Variants in APLP1 observed in about 807,000 individuals in gnomAD.
The protein encoded by APLP1 is amyloid beta (A4) precursor-like protein 1.
APLP1 carries 46 observed loss-of-function variants against 84.5 expected under a neutral mutation model. The observed-to-expected ratio is 0.54, with a 90% CI of 0.43 to 0.70. APLP1 has a LOEUF of 0.70. Among genes scored for constraint, APLP1 ranks in the 30% least tolerant of loss-of-function variants. The probability of loss-of-function intolerance (pLI) is 0.00; values close to 1 mark genes in which losing one functional copy is unlikely to be tolerated. For synonymous variants in APLP1, 376 were observed against 364.0 expected (o/e 1.03, Z -0.38); for missense variants, 826 against 900.2 (o/e 0.92, Z 1.05).
At position 35,873,593 on chromosome 19, in the gene APLP1, G is replaced by T. The variant is rs140731583; in HGVS notation, c.982-46G>T. ...AGAGGGGTTGGGGGACTTGCCAGGT[G>T]GATCAGGGTGGATTCTGGGATCCTG... is the stretch of plus-strand genomic sequence containing the variant. On this transcript the variant is annotated intron_variant, in intron 7 of 16. Coordinates refer to ENST00000221891, the MANE Select transcript of APLP1 (RefSeq NM_001024807.3). The T allele has an allele frequency of 4.4e-6, 7 of 1,596,900 alleles. No homozygotes were observed. In the Admixed American group the frequency reaches 6.7e-5, roughly 15 times the overall value.
At chr19:35,869,882 T>C in intron 2 of APLP1, 72 bp downstream of exon 2, 1 of 1,523,432 alleles carries the variant, frequency 6.6e-7, no homozygotes, top group Middle Eastern at 2.3e-4. Flanking sequence ...TGGTCCAGGG[T>C]GCTGCGCGAT....
intron 13 of APLP1, 78 bp downstream of exon 13, chr19:35,878,186 T>C: frequency 6.7e-7 from 1 of 1,481,884 alleles, no homozygotes; most frequent in Non-Finnish European, 9.2e-7. Flanking sequence ...GTCCATCCAT[T>C]GGGAACCTCA....
chr19:35,877,779 C>T lies in APLP1; in HGVS notation c.1506C>T (p.Gly502=). 6.2e-7 allele frequency: 1 copy of T among 1,609,176 alleles called. No individual in the cohort carries two copies. Among genetic ancestry groups the T allele is most frequent in the Non-Finnish European group, 8.5e-7 (1 of 1,178,722 alleles). ...AATTGGAAGCCCCTGCCCCTGGGGG[C>T]AGCAGCGAGGACAAGGGTGGGCTGC... ...PSELEAPAPG[G]SSEDKGGLQP... Residue 502 remains glycine, a synonymous_variant, in exon 12 of 17, where the codon GGC becomes GGT. Transcript: ENST00000221891.
In APLP1 at chr19:35,871,945, A is replaced by G. The variant is rs1555770966; in HGVS notation, c.759A>G (p.Val253=). ...AGGAGGAATCCTTCCCACAGCCAGT[A>G]GATGATTACTTCGTGGAGCCTCCGC... ...EEEEESFPQP[V]DDYFVEPPQA... The change falls in exon 6 of 17, where the codon GTA becomes GTG. Residue 253 remains valine (V), a synonymous_variant. Coordinates refer to ENST00000221891, the MANE Select transcript of APLP1 (RefSeq NM_001024807.3). 2 of 1,614,190 alleles carry G rather than the reference A, an allele frequency of 1.2e-6. No homozygotes were observed. Among genetic ancestry groups the G allele is most frequent in the Admixed American group, 3.3e-5 (2 of 60,018 alleles).
At chr19:35,878,456 G>A (rs1974331438) in intron 13 of APLP1, 128 bp from the exon 14 acceptor site, 2 of 908,394 alleles carry the variant, frequency 2.2e-6, no homozygotes, top group Admixed American at 4.3e-5. Flanking sequence ...TGACGTAGAA[G>A]GATCACTGGA....
chr19:35,870,116 C>A (rs1455152191), intron 2 of APLP1: 6 of 360,546 alleles, frequency 1.7e-5, no homozygotes, highest in South Asian at 1.5e-4. Flanking sequence ...TAAGGACCAG[C>A]AAGATGGGGA....
rs755568164 is a variant in APLP1 at position 35,870,946 on chromosome 19, C to T, written c.342C>T (p.Ile114=). ...GTGTGGAGCAGGCTACGCAGGCCAT[C>T]CCCATGGAGCGCTGGTGCGGGGGTT... ...IARVEQATQA[I]PMERWCGGSR... The change falls in exon 3 of 17, where the codon ATC becomes ATT. Residue 114 remains isoleucine, a synonymous_variant. Transcript: ENST00000221891. The T allele has an allele frequency of 6.3e-7, 1 of 1,596,618 alleles. No individual in the cohort carries two copies. Among genetic ancestry groups the T allele is most frequent in the South Asian group, 1.1e-5 (1 of 87,582 alleles).
In APLP1 at chr19:35,870,347, A is replaced by T. The variant is rs909165405; in HGVS notation, c.291+537A>T. 5 of 172,338 alleles carry T rather than the reference A, an allele frequency of 2.9e-5. No individual in the cohort carries two copies. The East Asian group carries it at 7.5e-4, about 26-fold the overall frequency. 10.7% of individuals were successfully genotyped at this position (172,338 alleles called of 1,614,324 possible). ...AGAAAGAAACAGCACAGGAAAAGAG[A>T]TAGGGCTTAAAGATGACGGGACTTT... On this transcript the variant is annotated intron_variant, in intron 2 of 16. Coordinates refer to ENST00000221891, the MANE Select transcript of APLP1 (RefSeq NM_001024807.3).
Position 35,868,634 on chromosome 19 carries a change from G to T in APLP1, c.-3G>T. The T allele has an allele frequency of 7.4e-7, 1 of 1,350,186 alleles. No homozygotes were observed. The allele number at this position is 1,350,186 out of a possible 1,614,324, so 83.6% of individuals were successfully genotyped here. On this transcript the variant is annotated 5_prime_UTR_variant, in exon 1 of 17. Transcript: ENST00000221891. This position sits in a 1 kb window ranked among gnomAD's most constrained non-coding sequence, Gnocchi z 5.2. ...GGGGACGTGAGGGCGCAAGGGCCGG[G>T]ACATGGGGCCCGCCAGCCCCGCTGC...
chr19:35,876,673 C>T (rs1974288141), intron 11 of APLP1, 57 bp downstream of exon 11: 1 of 1,407,442 alleles, frequency 7.1e-7, no homozygotes, highest in African/African-American at 1.4e-5. Context: ...ATCTTGACTC[C>T]TAAATGTTGG....
rs1974158791 is a variant in APLP1, at chr19:35,871,895, G to A, written c.709G>A (p.Val237Ile). 5 of 1,614,056 alleles carry A rather than the reference G, an allele frequency of 3.1e-6. No individual in the cohort carries two copies. The African/African-American group carries it at 5.3e-5, about 17-fold the overall frequency. ...CCGGTCCTGGCCCCCGGGGAGCAGA[G>A]TAGAGGGGGCTGAGGACGAGGAAGA... is the stretch of plus-strand genomic sequence containing the variant. ...STRSWPPGSR[V>I]EGAEDEEEEE... is the part of the protein sequence containing the mutation. The change falls in exon 6 of 17, where the codon GTA becomes ATA. Residue 237 changes from valine to isoleucine, a missense_variant. Physicochemically the swap from Val to Ile is conservative, Grantham distance 29. Around this residue, in one of 3 missense-constraint regions of APLP1, gnomAD observed 383 missense variants for 378.3 expected, o/e 1.01. Transcript: ENST00000221891.
At chr19:35,870,610 T>A in intron 2 of APLP1, 1 of 343,952 alleles carries the variant, frequency 2.9e-6, no homozygotes, top group East Asian at 6.5e-5. Flanking sequence ...ACGGCGAAAC[T>A]CCGTCTCTAC....
chr19:35,878,054 C>A, intron 12 of APLP1, 28 bp from the exon 13 acceptor site: 1 of 1,610,224 alleles, frequency 6.2e-7, no homozygotes. Context: ...CTTCACTGTT[C>A]CACTCCCTTG....
At chr19:35,875,612 C>G (rs914259692) in intron 10 of APLP1, among the ~76,000 whole-genome samples, 1 of 151,734 alleles carries the variant, frequency 6.6e-6, no homozygotes, top group Non-Finnish European at 1.5e-5. Flanking sequence ...TGAGCCACCA[C>G]GCCCGGCCCC....
Position 35,871,982 on chromosome 19 carries a change from G to A in APLP1, c.796G>A (p.Glu266Lys), listed in dbSNP as rs756829664. ...YFVEPPQAEE[E>K]EETVPPPSSH... ...CGTGGAGCCTCCGCAGGCTGAAGAGGAAGAGGAAACGGTCCCACCCCCAAG... is the reference window on the plus strand; with the variant it reads ...CGTGGAGCCTCCGCAGGCTGAAGAGAAAGAGGAAACGGTCCCACCCCCAAG... The change falls in exon 6 of 17, where the codon GAA (glutamate) becomes AAA (lysine). Residue 266 changes from glutamate (E) to lysine (K), a missense_variant. By Grantham distance (56) the Glu-to-Lys change is moderately conservative. This residue lies in a region of APLP1 where 383 missense variants were observed against 378.3 expected (regional missense o/e 1.01). Coordinates refer to ENST00000221891, the MANE Select transcript of APLP1 (RefSeq NM_001024807.3). The A allele has an allele frequency of 1.9e-6, 3 of 1,614,150 alleles. No individual in the cohort carries two copies. The highest frequency in any genetic ancestry group is 2.5e-6 in the Non-Finnish European group (3 of 1,180,030).
chr19:35,873,921 G>A (rs780202732), intron 8 of APLP1, among the ~76,000 whole-genome samples: 2 of 152,108 alleles, frequency 1.3e-5, no homozygotes, highest in Non-Finnish European at 2.9e-5. Flanking sequence ...GGCCATATTC[G>A]GCCCCATCTA....
At chr19:35,870,111 A>C (rs985662799) in intron 2 of APLP1, 4 of 406,122 alleles carry the variant, frequency 9.8e-6, no homozygotes, top group Non-Finnish European at 1.8e-5. Flanking sequence ...GACCTTAAGG[A>C]CCAGCAAGAT....
chr19:35,879,700 G>T lies in APLP1; in HGVS notation c.*259G>T. ...TTTAAGTTTATTTATGGCTCTTTAA[G>T]GTGACCGCCACCTTGGTCCTAGTGT... On this transcript the variant is annotated 3_prime_UTR_variant, in exon 17 of 17. Coordinates refer to ENST00000221891, the MANE Select transcript of APLP1 (RefSeq NM_001024807.3). The T allele has an allele frequency of 2.0e-6, 1 of 502,730 alleles. No homozygotes were observed. Among genetic ancestry groups the T allele is most frequent in the Non-Finnish European group, 3.5e-6 (1 of 283,716 alleles). 31.1% of individuals were successfully genotyped at this position (502,730 alleles called of 1,614,324 possible). A position where few individuals can be genotyped will look rare whatever the true frequency, so the allele number is the denominator to read the frequency against.
intron 2 of APLP1, 103 bp from the exon 3 acceptor site, chr19:35,870,792 GA>G: frequency 6.9e-7 from 1 of 1,451,332 alleles, no homozygotes; most frequent in Non-Finnish European, 9.2e-7. Flanking sequence ...CTCAAAGAAA[GA>G]AAGAAAGAGG....
Sources: allele counts gnomAD v4.1 joint callset (sites outside exome capture counted in the v4.1 genomes callset), GRCh38; gene constraint gnomAD v4.1.1; regional missense constraint gnomAD v4.1.1; non-coding constraint Gnocchi (gnomAD v3.1); transcripts MANE v1.5; gene names NCBI Gene and HGNC (gene_info 2026-07-23, HGNC 2026-07-21).